CACNA1A: variants seen among roughly 807,000 people sequenced by gnomAD.
CACNA1A encodes the protein voltage-dependent P/Q-type calcium channel subunit alpha-1A.
Under a neutral mutation model 262.4 loss-of-function variants are expected in CACNA1A, and 57 were observed. The ratio of observed to expected loss-of-function variants is 0.22; its 90% confidence interval spans 0.18 to 0.27. The LOEUF (loss-of-function observed/expected upper bound fraction) is 0.27, where lower values mean the gene tolerates loss of function less well. Among genes scored for constraint, CACNA1A ranks in the 10% least tolerant of loss-of-function variants. The pLI is 1.00. For missense variants in CACNA1A, 2,526 were observed against 3,562.8 expected, an observed-to-expected ratio of 0.71 and a Z score of 7.41; for synonymous variants, 1,431 against 1,419.3, an observed-to-expected ratio of 1.01 and a Z score of -0.18.
chr19:13,334,338 G>A, intron 8 of CACNA1A, 40 bp downstream of exon 8: 2 of 1,046,580 alleles, frequency 1.9e-6, no homozygotes, highest in Non-Finnish European at 3.0e-6. Context: ...TCCGTGGCCT[G>A]GGATCTCCAT....
At chr19:13,439,707 G>C (rs1599459108) in intron 3 of CACNA1A, among the ~76,000 whole-genome samples, 1 of 152,006 alleles carries the variant, frequency 6.6e-6, no homozygotes, top group African/African-American at 2.4e-5. Flanking sequence ...CACCGTGCCT[G>C]GCCCAGTCTG....
intron 10 of CACNA1A, among the ~76,000 whole-genome samples, chr19:13,325,193 C>CTT (rs762752087): frequency 8.1e-6 from 1 of 123,886 alleles, no homozygotes; most frequent in Non-Finnish European, 1.6e-5. Context: ...TCTTCTTCTT[C>CTT]TTCTTTTTTT....
intron 4 of CACNA1A, among the ~76,000 whole-genome samples, chr19:13,370,077 G>A (rs530966813): frequency 4.6e-5 from 7 of 152,126 alleles, no homozygotes; most frequent in African/African-American, 1.7e-4. Flanking sequence ...AATAATGTCT[G>A]GCACATAGTA....
chr19:13,454,033 C>T (rs998449063), intron 2 of CACNA1A, among the ~76,000 whole-genome samples: 8 of 151,832 alleles, frequency 5.3e-5, no homozygotes, highest in African/African-American at 1.9e-4. Context: ...TTGGGATCTC[C>T]AAAGGGATGT....
chr19:13,313,023 T>C (rs1049009414), intron 11 of CACNA1A, among the ~76,000 whole-genome samples: 1 of 152,104 alleles, frequency 6.6e-6, no homozygotes, highest in Non-Finnish European at 1.5e-5. Context: ...TTATCTTTTT[T>C]CTTTTTAAAA....
At chr19:13,503,457 T>C (rs1982626428) in intron 1 of CACNA1A, among the ~76,000 whole-genome samples, 1 of 152,172 alleles carries the variant, frequency 6.6e-6, no homozygotes, top group East Asian at 1.9e-4. Flanking sequence ...ACTCTCAGGA[T>C]ATGCTGAAAC....
At chr19:13,469,463 T>TAA (rs2061312112) in intron 1 of CACNA1A, among the ~76,000 whole-genome samples, 1 of 94,626 alleles carries the variant, frequency 1.1e-5, no homozygotes. Context: ...ACCACCTCTT[T>TAA]TTTTTTTTTT....
chr19:13,283,000 C>T (rs553631425), intron 22 of CACNA1A, among the ~76,000 whole-genome samples: 103 of 152,278 alleles, frequency 6.8e-4, no homozygotes, highest in Middle Eastern at 3.4e-3. Context: ...TCTCACGCCT[C>T]CATTAGAGAA....
rs143913455 is a variant in CACNA1A, at chr19:13,290,970, G to A, written c.3090-4004C>T. Among the ~76,000 whole-genome samples, 698 of 152,252 alleles carry A rather than the reference G, an allele frequency of 4.6e-3. 3 individuals carry two copies. Among genetic ancestry groups the A allele is most frequent in the Non-Finnish European group, 6.9e-3 (466 of 68,014 alleles). On this transcript the variant is annotated intron_variant, in intron 19 of 46. Coordinates refer to ENST00000360228, the MANE Select transcript of CACNA1A (RefSeq NM_001127222.2). ...TCTTGTTTTTGCTTCCTTGTAGAGCGTCTGTTGGCTCTGTTTGTTGGGAAA... is the reference window on the plus strand; with the variant it reads ...TCTTGTTTTTGCTTCCTTGTAGAGCATCTGTTGGCTCTGTTTGTTGGGAAA...
At chr19:13,473,265 A>G (rs894688708) in intron 1 of CACNA1A, among the ~76,000 whole-genome samples, 33 of 151,658 alleles carry the variant, frequency 2.2e-4, no homozygotes, top group Non-Finnish European at 2.1e-4. Flanking sequence ...AAAAAAAAAA[A>G]AGAGAGAGAG....
intron 24 of CACNA1A, chr19:13,274,683 A>G (rs2057104641): frequency 6.6e-6 from 1 of 152,256 alleles, no homozygotes; most frequent in Non-Finnish European, 1.5e-5. Flanking sequence ...GTTGGGTACC[A>G]TCTTGAAATA....
chr19:13,404,189 TACAC>T (rs374169413), intron 3 of CACNA1A, among the ~76,000 whole-genome samples: 1,994 of 150,954 alleles, frequency 0.013, 52 homozygotes, highest in African/African-American at 0.047. Context: ...TATACACATA[TACAC>T]ACACACACAC....
chr19:13,254,791 G>A (rs572212223), intron 29 of CACNA1A, among the ~76,000 whole-genome samples: 1 of 152,162 alleles, frequency 6.6e-6, no homozygotes, highest in African/African-American at 2.4e-5. Context: ...GCAACCTGAC[G>A]CAGATTTTTG....
At position 13,437,146 on chromosome 19, in the gene CACNA1A, C is replaced by T. The variant is rs1013051429; in HGVS notation, c.539+15730G>A. ...GCTGCTCGTGGAGAAGGCTGGTGTCCCTTTCCCTATTTTCTCCCTCTAAAA... is the reference window on the plus strand; with the variant it reads ...GCTGCTCGTGGAGAAGGCTGGTGTCTCTTTCCCTATTTTCTCCCTCTAAAA... On this transcript the variant is annotated intron_variant, in intron 3 of 46. Coordinates refer to ENST00000360228, the MANE Select transcript of CACNA1A (RefSeq NM_001127222.2). Among the ~76,000 whole-genome samples, 8 of 152,136 alleles carry T rather than the reference C, an allele frequency of 5.3e-5. 1 individual carries two copies. In the South Asian group the frequency reaches 6.2e-4, roughly 12 times the overall value.
chr19:13,273,912 ATTGT>A (rs1313864077), intron 24 of CACNA1A: 2 of 90,382 alleles, frequency 2.2e-5, no homozygotes, highest in Non-Finnish European at 4.2e-5. Flanking sequence ...TGCCTGGCTA[ATTGT>A]TTTTTTTTTT....
At chr19:13,369,964 CG>C (rs2059288690) in intron 4 of CACNA1A, among the ~76,000 whole-genome samples, 1 of 152,014 alleles carries the variant, frequency 6.6e-6, no homozygotes, top group Admixed American at 6.6e-5. Flanking sequence ...AGCAATGAAC[CG>C]GAAGAACGAA....
At chr19:13,413,125 G>C (rs1358892534) in intron 3 of CACNA1A, among the ~76,000 whole-genome samples, 3 of 146,096 alleles carry the variant, frequency 2.1e-5, no homozygotes, top group African/African-American at 7.6e-5. Context: ...TTTTTTTTTA[G>C]ATGGTGTCTC....
rs532229353 is a variant in CACNA1A, at chr19:13,442,323, T to C, written c.539+10553A>G. ...ATAACATATTTCAGTGTTTTCCCAC[T>C]GAGCAATGGGGAAGCCAGGGTATTT... is the stretch of plus-strand genomic sequence containing the variant. On this transcript the variant is annotated intron_variant, in intron 3 of 46. Coordinates refer to ENST00000360228, the MANE Select transcript of CACNA1A (RefSeq NM_001127222.2). Among the ~76,000 whole-genome samples, 7 of 152,332 alleles carry C rather than the reference T, an allele frequency of 4.6e-5. No individual in the cohort carries two copies. In the South Asian group the frequency reaches 1.4e-3, roughly 32 times the overall value.
At chr19:13,383,238 G>T (rs2059552404) in intron 3 of CACNA1A, among the ~76,000 whole-genome samples, 1 of 152,190 alleles carries the variant, frequency 6.6e-6, no homozygotes, top group Non-Finnish European at 1.5e-5. Context: ...GAAGTGCTAT[G>T]GAGAACAATA....
Sources: allele counts gnomAD v4.1 joint callset (sites outside exome capture counted in the v4.1 genomes callset), GRCh38; gene constraint gnomAD v4.1.1; transcripts MANE v1.5; gene names NCBI Gene and HGNC (gene_info 2026-07-23, HGNC 2026-07-21).